The following PLPPR4 variants were observed in gnomAD, a reference collection of about 807,000 sequenced individuals.
PLPPR4 encodes phospholipid phosphatase related 4.
PLPPR4 carries 24 observed loss-of-function variants against 56.6 expected under a neutral mutation model. The observed-to-expected ratio is 0.42, with a 90% confidence interval of 0.31 to 0.60. The LOEUF is 0.60. Among genes scored for constraint, PLPPR4 ranks in the 20% least tolerant of loss-of-function variants. The pLI is 0.13. For synonymous variants in PLPPR4, 326 were observed against 328.1 expected (o/e 0.99, Z 0.07); for missense variants, 654 against 885.8 (o/e 0.74, Z 3.32).
chr1:99,305,229 G>A (rs149208926), intron 6 of PLPPR4, among the ~76,000 whole-genome samples: 202 of 152,138 alleles, frequency 1.3e-3, no homozygotes, highest in African/African-American at 4.7e-3. Context: ...TTTTATAAAT[G>A]ATATATTGTT....
intron 2 of PLPPR4, among the ~76,000 whole-genome samples, chr1:99,295,715 G>C (rs1205976036): frequency 6.6e-6 from 1 of 152,072 alleles, no homozygotes; most frequent in Admixed American, 6.6e-5. Context: ...ACAACCCAAC[G>C]GCCTAAGGTA....
chr1:99,298,753 G>T, intron 3 of PLPPR4: 1 of 592,922 alleles, frequency 1.7e-6, no homozygotes, highest in Non-Finnish European at 3.0e-6. Flanking sequence ...CATGTTCCAA[G>T]TGTCTTGACA....
chr1:99,263,379 T>G (rs1351463299), upstream of PLPPR4, among the ~76,000 whole-genome samples: 1 of 152,134 alleles, frequency 6.6e-6, no homozygotes, highest in Non-Finnish European at 1.5e-5. Flanking sequence ...AGAGGTGGTG[T>G]TGGCAGTGAA....
upstream of PLPPR4, among the ~76,000 whole-genome samples, chr1:99,263,487 A>C (rs1337265872): frequency 2.6e-5 from 4 of 152,186 alleles, no homozygotes; most frequent in Non-Finnish European, 4.4e-5. Context: ...GGAATTGGCC[A>C]TCACATGCTT....
In PLPPR4 at chr1:99,264,553, C is replaced by T; in HGVS notation, c.-41C>T. On this transcript the variant is annotated 5_prime_UTR_variant, in exon 1 of 7. Coordinates refer to ENST00000370185, the MANE Select transcript of PLPPR4 (RefSeq NM_014839.5). Reference sequence around the variant, plus strand: ...GCTCGCCTCAGCTGCGCTGTGCACACCTCGCCCGGGGGAGGACGCAGACCC... The same window carrying T: ...GCTCGCCTCAGCTGCGCTGTGCACATCTCGCCCGGGGGAGGACGCAGACCC... The T allele has an allele frequency of 6.4e-7, 1 of 1,551,146 alleles. No homozygotes were observed. The highest frequency in any genetic ancestry group is 8.7e-7 in the Non-Finnish European group (1 of 1,147,224).
rs887947291 is a variant in PLPPR4 at position 99,265,153 on chromosome 1, C to G, written c.78+482C>G. Among the ~76,000 whole-genome samples, 11 of 148,398 alleles carry G rather than the reference C, an allele frequency of 7.4e-5. No individual in the cohort carries two copies. The South Asian group carries it at 1.3e-3, about 18-fold the overall frequency. On this transcript the variant is annotated intron_variant, in intron 1 of 6. Coordinates refer to ENST00000370185, the MANE Select transcript of PLPPR4 (RefSeq NM_014839.5). ...TGCTTTTATTGCTCCTGCCCCCCCC[C>G]CCCAAATCCTTCTCCTATTATATTA...
chr1:99,295,160 A>G (rs1403632991), intron 2 of PLPPR4, among the ~76,000 whole-genome samples: 1 of 152,226 alleles, frequency 6.6e-6, no homozygotes, highest in Non-Finnish European at 1.5e-5. Context: ...GATTATTTCT[A>G]TAATGATTGA....
upstream of PLPPR4, among the ~76,000 whole-genome samples, chr1:99,263,281 C>T (rs1658807806): frequency 6.6e-6 from 1 of 152,100 alleles, no homozygotes; most frequent in South Asian, 2.1e-4. Flanking sequence ...GGGATATTAT[C>T]AGGTGAGTAT....
intron 1 of PLPPR4, among the ~76,000 whole-genome samples, chr1:99,266,608 T>C (rs1658906016): frequency 6.6e-6 from 1 of 152,240 alleles, no homozygotes; most frequent in African/African-American, 2.4e-5. Flanking sequence ...CCTATTCAGA[T>C]ACCCTCTATG....
rs774742769 is a variant in PLPPR4, at chr1:99,300,947, T to C, written c.629T>C (p.Phe210Ser). Residue 210 changes from phenylalanine to serine, a missense_variant, in exon 5 of 7, where the codon TTT becomes TCT. Phe to Ser is a radical substitution (Grantham distance 155). Coordinates refer to ENST00000370185, the MANE Select transcript of PLPPR4 (RefSeq NM_014839.5). The stretch of plus-strand genomic sequence containing the variant: ...TCTCAACATGCAACCCTTGCTGCCT[T>C]TGCAGCTGTGTATGTTTCGGTAAGT... ...FPSQHATLAAFAAVYVSMYFN... is the reference protein window; with the variant it reads ...FPSQHATLAASAAVYVSMYFN... 6.2e-7 allele frequency: 1 copy of C among 1,612,322 alleles called. No homozygotes were observed. Among genetic ancestry groups the C allele is most frequent in the Non-Finnish European group, 8.5e-7 (1 of 1,178,578 alleles).
chr1:99,306,891 G>A lies in PLPPR4; in HGVS notation c.2029G>A (p.Asp677Asn), dbSNP rs777387972. 4.3e-6 allele frequency: 7 copies of A among 1,613,936 alleles called. No individual in the cohort carries two copies. The highest frequency in any genetic ancestry group is 1.7e-5 in the Admixed American group (1 of 60,000). The change falls in exon 7 of 7, where the codon GAC becomes AAC. Residue 677 changes from aspartate to asparagine, a missense_variant. Asp to Asn is a conservative substitution (Grantham distance 23). This residue lies in a region of PLPPR4 where 468 missense variants were observed against 554.3 expected (regional missense o/e 0.84). Transcript: ENST00000370185. The surrounding 1 kb of genome is among the most constrained non-coding windows in gnomAD (Gnocchi z 4.0). ...SETLSISSSR[D>N]STLRRKGNII... The stretch of plus-strand genomic sequence containing the variant: ...GACGCTGTCCATTTCTTCTTCCCGC[G>A]ACTCCACCCTGCGGAGAAAGGGCAA...
chr1:99,275,428 G>A (rs1319398777), intron 1 of PLPPR4, among the ~76,000 whole-genome samples: 11 of 152,256 alleles, frequency 7.2e-5, no homozygotes, highest in African/African-American at 2.4e-4. Context: ...CATAATTAAG[G>A]AAAAATTCTT....
At chr1:99,285,235 A>G (rs752293368) in intron 1 of PLPPR4, among the ~76,000 whole-genome samples, 2 of 152,236 alleles carry the variant, frequency 1.3e-5, no homozygotes, top group Admixed American at 6.5e-5. Flanking sequence ...GATAGCAACT[A>G]TCTTATGTCA....
At chr1:99,283,921 C>T (rs1161194079) in intron 1 of PLPPR4, among the ~76,000 whole-genome samples, 3 of 152,072 alleles carry the variant, frequency 2.0e-5, no homozygotes, top group African/African-American at 7.2e-5. Context: ...CCCTGCACTC[C>T]AGCTTGGGCG....
Position 99,306,338 on chromosome 1 carries a change from T to C in PLPPR4, c.1476T>C (p.Thr492=), listed in dbSNP as rs528083199. The C allele has an allele frequency of 6.2e-7, 1 of 1,614,052 alleles. No homozygotes were observed. Among genetic ancestry groups the C allele is most frequent in the African/African-American group, 1.3e-5 (1 of 75,018 alleles). ...SSQLVHIPEE[T]QENISTSPKS... ...AGTTGGTGCACATCCCTGAGGAGAC[T>C]CAGGAAAACATAAGCACCTCCCCCA... is the stretch of plus-strand genomic sequence containing the variant. The change falls in exon 7 of 7, where the codon ACT becomes ACC. Residue 492 remains threonine, a synonymous_variant. Coordinates refer to ENST00000370185, the MANE Select transcript of PLPPR4 (RefSeq NM_014839.5). The surrounding 1 kb of genome is among the most constrained non-coding windows in gnomAD (Gnocchi z 4.0).
intron 1 of PLPPR4, among the ~76,000 whole-genome samples, chr1:99,278,648 A>C (rs541936305): frequency 6.6e-6 from 1 of 152,282 alleles, no homozygotes; most frequent in African/African-American, 2.4e-5. Flanking sequence ...AGAAGAACAA[A>C]TTTTCACTAC....
At chr1:99,287,251 T>C (rs1221053839) in intron 1 of PLPPR4, among the ~76,000 whole-genome samples, 1 of 122,286 alleles carries the variant, frequency 8.2e-6, no homozygotes, top group Non-Finnish European at 1.8e-5. Flanking sequence ...TATTCCATGG[T>C]GTATATATAT....
At chr1:99,303,430 TTGGAGAAGGATATTTAA>T (rs1659937163) in intron 6 of PLPPR4, among the ~76,000 whole-genome samples, 1 of 152,064 alleles carries the variant, frequency 6.6e-6, no homozygotes, top group Admixed American at 6.6e-5. Context: ...GCAATCAGTA[TTGGAGAAGGATATTTAA>T]TGGAAGTACC....
upstream of PLPPR4, chr1:99,264,257 G>T (rs765173618): frequency 6.3e-4 from 363 of 575,876 alleles, 4 homozygotes; most frequent in Middle Eastern, 0.017. Context: ...GCGTCGCAAG[G>T]GCGGTAGAGA....
Sources: allele counts gnomAD v4.1 joint callset (sites outside exome capture counted in the v4.1 genomes callset), GRCh38; gene constraint gnomAD v4.1.1; regional missense constraint gnomAD v4.1.1; non-coding constraint Gnocchi (gnomAD v3.1); transcripts MANE v1.5; gene names NCBI Gene and HGNC (gene_info 2026-07-23, HGNC 2026-07-21).